The following VWA3B variants were observed in gnomAD, a reference collection of about 807,000 sequenced individuals.
The protein encoded by VWA3B is von Willebrand factor A domain containing 3B, also known as von Willebrand factor A domain-containing protein 3B.
In VWA3B, 138 loss-of-function variants were observed where a neutral mutation model predicts 158.3. The ratio of observed to expected loss-of-function variants is 0.87; its 90% CI spans 0.76 to 1.00. The LOEUF (loss-of-function observed/expected upper bound fraction) is 1.00, where lower values mean the gene tolerates loss of function less well. Ranked by LOEUF, VWA3B falls within the 50% of genes least tolerant of loss-of-function variation. VWA3B has a pLI of 0.00. For synonymous variants in VWA3B, 596 were observed against 587.3 expected, an observed-to-expected ratio of 1.01 and a Z score of -0.21; for missense variants, 1,555 against 1,565.1, an observed-to-expected ratio of 0.99 and a Z score of 0.11.
At chr2:98,103,307 A>G (rs778257323) in intron 2 of VWA3B, among the ~76,000 whole-genome samples, 1 of 152,014 alleles carries the variant, frequency 6.6e-6, no homozygotes, top group African/African-American at 2.4e-5. Context: ...AATCATCATT[A>G]TTTATTTCTT....
At chr2:98,279,904 G>A (rs1459747263) in intron 22 of VWA3B, among the ~76,000 whole-genome samples, 1 of 152,136 alleles carries the variant, frequency 6.6e-6, no homozygotes. Context: ...GTGAGTGGGG[G>A]CGGAATAGCC....
At chr2:98,153,422 G>A (rs796962015) in intron 7 of VWA3B, among the ~76,000 whole-genome samples, 37 of 152,236 alleles carry the variant, frequency 2.4e-4, no homozygotes, top group African/African-American at 7.9e-4. Context: ...CAGAAACTGT[G>A]CTTTTTGTGT....
At chr2:98,092,907 G>A (rs1682448389) in intron 1 of VWA3B, among the ~76,000 whole-genome samples, 154 bp from the exon 2 acceptor site, 1 of 142,692 alleles carries the variant, frequency 7.0e-6, no homozygotes, top group African/African-American at 2.6e-5. Context: ...TCATGTGACT[G>A]TCCTCTTTTC....
rs147093448 is a variant in VWA3B, at chr2:98,165,172, C to T, written c.1114+2196C>T. 1.1e-3 allele frequency among the ~76,000 whole-genome samples: 164 copies of T among 152,326 alleles called. 1 individual carries two copies. The highest frequency in any genetic ancestry group is 1.9e-3 in the Non-Finnish European group (126 of 68,030). ...CTTTGGGGCACACCTGGTGGACGCA[C>T]ATACCTTACACATCAGGCACTGTTT... is the stretch of plus-strand genomic sequence containing the variant. On this transcript the variant is annotated intron_variant, in intron 8 of 27. Coordinates refer to ENST00000477737, the MANE Select transcript of VWA3B (RefSeq NM_144992.5).
intron 2 of VWA3B, among the ~76,000 whole-genome samples, chr2:98,110,901 AAGAAG>A (rs1674086536): frequency 6.6e-6 from 1 of 152,206 alleles, no homozygotes; most frequent in Admixed American, 6.5e-5. Flanking sequence ...TGATGGTTTT[AAGAAG>A]AGGAGTTCCT....
chr2:98,299,287 C>G (rs956359274), intron 24 of VWA3B, among the ~76,000 whole-genome samples: 20 of 152,152 alleles, frequency 1.3e-4, no homozygotes, highest in Non-Finnish European at 2.5e-4. Flanking sequence ...GACTCCAGAC[C>G]CTGTTCTCCT....
At chr2:98,144,067 A>G (rs939484869) in intron 7 of VWA3B, among the ~76,000 whole-genome samples, 3 of 151,924 alleles carry the variant, frequency 2.0e-5, no homozygotes, top group East Asian at 3.9e-4. Flanking sequence ...AATAATGTTA[A>G]TAATGTTTAC....
intron 12 of VWA3B, among the ~76,000 whole-genome samples, chr2:98,194,708 T>C (rs1681896949): frequency 6.6e-6 from 1 of 152,210 alleles, no homozygotes; most frequent in Non-Finnish European, 1.5e-5. Flanking sequence ...TCTTATCTAC[T>C]CACAGTTCTC....
At chr2:98,281,690 G>A (rs559986585) in intron 22 of VWA3B, among the ~76,000 whole-genome samples, 22 of 152,124 alleles carry the variant, frequency 1.4e-4, no homozygotes, top group South Asian at 8.3e-4. Flanking sequence ...ATTAAGTCAC[G>A]AAATGAAAAG....
rs558076979 is a variant in VWA3B, at chr2:98,125,703, C to T, written c.703-2536C>T. Among the ~76,000 whole-genome samples, 3 of 152,078 alleles carry T rather than the reference C, an allele frequency of 2.0e-5. No homozygotes were observed. The highest frequency in any genetic ancestry group is 2.9e-5 in the Non-Finnish European group (2 of 68,016). ...TTTTTGAAACCGAGTCTCGCTCTGT[C>T]GCCCAGGCTGGAGTGCAGTGGCACG... On this transcript the variant is annotated intron_variant, in intron 5 of 27. Transcript: ENST00000477737. This position sits in a 1 kb window ranked among gnomAD's most constrained non-coding sequence, Gnocchi z 4.1.
intron 13 of VWA3B, among the ~76,000 whole-genome samples, chr2:98,214,145 C>T (rs763831904): frequency 1.4e-4 from 21 of 151,582 alleles, no homozygotes; most frequent in Non-Finnish European, 1.2e-4. Context: ...GAGCTATGAT[C>T]GTGCTACTGC....
intron 8 of VWA3B, among the ~76,000 whole-genome samples, chr2:98,174,313 A>G (rs1385901917): frequency 1.3e-5 from 2 of 152,176 alleles, no homozygotes; most frequent in Non-Finnish European, 1.5e-5. Flanking sequence ...ACAGTTTGTG[A>G]TCACAGTGGA....
At chr2:98,196,676 G>A (rs1023350897) in intron 12 of VWA3B, among the ~76,000 whole-genome samples, 1 of 152,128 alleles carries the variant, frequency 6.6e-6, no homozygotes, top group Non-Finnish European at 1.5e-5. Flanking sequence ...GGCTCTCTCT[G>A]TCTGCCTCTT....
intron 22 of VWA3B, among the ~76,000 whole-genome samples, chr2:98,279,358 C>A (rs1166263838): frequency 6.6e-6 from 1 of 152,130 alleles, no homozygotes; most frequent in East Asian, 1.9e-4. Flanking sequence ...CTAAAGGCAC[C>A]CTCCTCGCTG....
intron 3 of VWA3B, among the ~76,000 whole-genome samples, chr2:98,118,745 CTAAAA>C (rs112520695): frequency 5.9e-5 from 9 of 151,644 alleles, no homozygotes; most frequent in East Asian, 3.9e-4. Flanking sequence ...CTTGCAACTG[CTAAAA>C]TAAAATAAAA....
chr2:98,139,362 G>T (rs1413653939), intron 7 of VWA3B, among the ~76,000 whole-genome samples: 4 of 152,204 alleles, frequency 2.6e-5, no homozygotes, highest in Admixed American at 2.6e-4. Flanking sequence ...CAGTCCCATC[G>T]ACCACCCAAG....
chr2:98,275,099 C>T (rs1362681055), intron 22 of VWA3B, among the ~76,000 whole-genome samples: 1 of 152,210 alleles, frequency 6.6e-6, no homozygotes, highest in Non-Finnish European at 1.5e-5. Context: ...CTTTTGTTTA[C>T]AGTCTGTCTT....
chr2:98,303,289 T>G (rs994938785), intron 25 of VWA3B, among the ~76,000 whole-genome samples: 31 of 128,774 alleles, frequency 2.4e-4, no homozygotes, highest in Non-Finnish European at 3.1e-4. Context: ...TGTGGCAGGG[T>G]GGAGGGGGAA....
chr2:98,114,618 T>C (rs376105430), intron 2 of VWA3B, among the ~76,000 whole-genome samples: 4 of 152,108 alleles, frequency 2.6e-5, no homozygotes, highest in African/African-American at 9.7e-5. Context: ...CACCATTCTG[T>C]CTCCCACCTT....
Sources: allele counts gnomAD v4.1 joint callset (sites outside exome capture counted in the v4.1 genomes callset), GRCh38; gene constraint gnomAD v4.1.1; non-coding constraint Gnocchi (gnomAD v3.1); transcripts MANE v1.5; gene names NCBI Gene and HGNC (gene_info 2026-07-23, HGNC 2026-07-21).